The following SEM1 variants were observed in gnomAD, a reference collection of about 807,000 sequenced individuals.
SEM1 encodes the protein 26S proteasome complex subunit SEM1.
SEM1 carries 3 observed loss-of-function variants against 12.7 expected under a neutral mutation model. That is an observed-to-expected ratio of 0.24 (90% CI 0.11 to 0.61). The LOEUF (loss-of-function observed/expected upper bound fraction) is 0.61. SEM1 is among the 20% of genes least tolerant of loss of function. The pLI, the probability that SEM1 is intolerant of heterozygous loss-of-function variation, is 0.88. For missense variants in SEM1, 59 were observed against 81.3 expected, an observed-to-expected ratio of 0.73 and a Z score of 1.06; for synonymous variants, 30 against 27.8, an observed-to-expected ratio of 1.08 and a Z score of -0.25.
downstream of SEM1, chr7:96,622,311 C>A: frequency 5.1e-6 from 2 of 389,872 alleles, no homozygotes; most frequent in South Asian, 5.7e-5. Context: ...TCAATAAATG[C>A]TTGAAGCTGG....
intron 2 of SEM1, among the ~76,000 whole-genome samples, chr7:96,660,230 T>G (rs768774331): frequency 9.9e-5 from 15 of 152,090 alleles, no homozygotes; most frequent in Middle Eastern, 3.2e-3. Flanking sequence ...GACAAAGATT[T>G]CAACTCCCCA....
chr7:96,595,469 G>A (rs762303749), intron 2 of SEM1, among the ~76,000 whole-genome samples: 1 of 152,034 alleles, frequency 6.6e-6, no homozygotes, highest in South Asian at 2.1e-4. Flanking sequence ...CCATGACTGC[G>A]TCACTGCACT....
intron 2 of SEM1, among the ~76,000 whole-genome samples, chr7:96,584,302 C>G (rs1443295897): frequency 6.6e-6 from 1 of 152,174 alleles, no homozygotes. Context: ...GGCCCCCACT[C>G]TCTTCTGGCC....
chr7:96,705,939 C>T (rs564332009), intron 1 of SEM1, among the ~76,000 whole-genome samples: 18 of 152,136 alleles, frequency 1.2e-4, no homozygotes, highest in Non-Finnish European at 2.4e-4. Context: ...AGTTGCCCTC[C>T]GGTCCTAGAA....
chr7:96,527,855 G>C (rs1006381930), intron 2 of SEM1, among the ~76,000 whole-genome samples: 3 of 152,060 alleles, frequency 2.0e-5, no homozygotes, highest in African/African-American at 7.2e-5. Context: ...CACATCCCCA[G>C]ATGGCATGTT....
intron 2 of SEM1, among the ~76,000 whole-genome samples, chr7:96,674,635 C>T (rs1789406855): frequency 6.6e-6 from 1 of 152,032 alleles, no homozygotes; most frequent in Admixed American, 6.6e-5. Context: ...CCACTGTATT[C>T]CAGCCTGGGC....
intron 2 of SEM1, among the ~76,000 whole-genome samples, chr7:96,667,746 G>T (rs1309457651): frequency 1.3e-5 from 2 of 152,166 alleles, no homozygotes; most frequent in Non-Finnish European, 2.9e-5. Flanking sequence ...TCACATGGGT[G>T]GCTTTCTTTA....
intron 2 of SEM1, among the ~76,000 whole-genome samples, chr7:96,561,975 T>A (rs1446012468): frequency 6.6e-6 from 1 of 152,194 alleles, no homozygotes; most frequent in Admixed American, 6.5e-5. Context: ...TTGGTTTCTT[T>A]TTACAACTGT....
chr7:96,685,748 A>AATGGGG (rs1789743862), downstream of SEM1, among the ~76,000 whole-genome samples: 1 of 151,656 alleles, frequency 6.6e-6, no homozygotes, highest in Non-Finnish European at 1.5e-5. Flanking sequence ...AAGGGGAGGT[A>AATGGGG]AGGCAACTCC....
At chr7:96,512,780 G>T (rs1272380111) in intron 2 of SEM1, among the ~76,000 whole-genome samples, 1 of 152,084 alleles carries the variant, frequency 6.6e-6, no homozygotes, top group Non-Finnish European at 1.5e-5. Flanking sequence ...TGTTATACCT[G>T]ATGGGAGGGG....
intron 2 of SEM1, among the ~76,000 whole-genome samples, chr7:96,610,318 C>T (rs1300116664): frequency 6.6e-6 from 1 of 152,032 alleles, no homozygotes; most frequent in Non-Finnish European, 1.5e-5. Flanking sequence ...AGGTCAGTCT[C>T]GAACTCCCGA....
intron 2 of SEM1, among the ~76,000 whole-genome samples, chr7:96,678,643 C>T (rs1019732004): frequency 4.6e-5 from 7 of 152,106 alleles, no homozygotes; most frequent in African/African-American, 1.7e-4. Context: ...GCCTCATACT[C>T]ACACCCTTTC....
chr7:96,533,457 T>G (rs1440210430), intron 2 of SEM1, among the ~76,000 whole-genome samples: 2 of 152,114 alleles, frequency 1.3e-5, no homozygotes, highest in East Asian at 3.9e-4. Flanking sequence ...GTTTAATTTA[T>G]TTCACTTCTT....
At chr7:96,579,905 T>C (rs1240967800) in intron 2 of SEM1, among the ~76,000 whole-genome samples, 1 of 152,104 alleles carries the variant, frequency 6.6e-6, no homozygotes, top group African/African-American at 2.4e-5. Context: ...TATGGATCTA[T>C]AATTATTACT....
At chr7:96,628,118 CT>C (rs921174143) in intron 2 of SEM1, among the ~76,000 whole-genome samples, 3 of 151,836 alleles carry the variant, frequency 2.0e-5, no homozygotes, top group African/African-American at 7.3e-5. Context: ...CATGGAATAT[CT>C]TTTTTCTTCC....
chr7:96,631,092 C>T (rs985812316), intron 2 of SEM1, among the ~76,000 whole-genome samples: 2 of 152,130 alleles, frequency 1.3e-5, no homozygotes, highest in African/African-American at 4.8e-5. Context: ...GCTGTGCAGC[C>T]TGGGGTTAGG....
At chr7:96,520,042 T>G (rs1384952553) in intron 2 of SEM1, among the ~76,000 whole-genome samples, 1 of 152,068 alleles carries the variant, frequency 6.6e-6, no homozygotes, top group Non-Finnish European at 1.5e-5. Context: ...GGGAAATATT[T>G]TGATGGATTG....
chr7:96,610,340 C>A (rs558306404), intron 2 of SEM1, among the ~76,000 whole-genome samples: 6 of 152,106 alleles, frequency 3.9e-5, no homozygotes, highest in African/African-American at 7.2e-5. Context: ...CTCAGGTGAT[C>A]CGCCTGCCTG....
chr7:96,498,524 G>A (rs1371728014), upstream of SEM1, among the ~76,000 whole-genome samples: 1 of 152,140 alleles, frequency 6.6e-6, no homozygotes, highest in Non-Finnish European at 1.5e-5. Flanking sequence ...AGGAAGATAC[G>A]ACAGAGATGA....
Sources: gnomAD v4.1 joint callset for allele counts (sites outside exome capture counted in the v4.1 genomes callset) on GRCh38, gnomAD v4.1.1 for gene constraint, MANE v1.5 for transcripts, NCBI Gene and HGNC (gene_info 2026-07-23, HGNC 2026-07-21) for gene names.